SMPD1: variants seen among roughly 807,000 people sequenced by gnomAD.
SMPD1 encodes sphingomyelin phosphodiesterase.
SMPD1 carries 47 observed loss-of-function variants against 49.7 expected under a neutral mutation model. That is an observed-to-expected ratio of 0.95 (90% CI 0.75 to 1.21). SMPD1 has a LOEUF of 1.21. Ranked by LOEUF, SMPD1 falls within the 50% of genes most tolerant of loss-of-function variation. The pLI is 0.00. For synonymous variants in SMPD1, 336 were observed against 339.6 expected (o/e 0.99, Z 0.12); for missense variants, 811 against 822.2 (o/e 0.99, Z 0.17).
chr11:6,392,495 T>TC (rs1847977593), intron 2 of SMPD1, among the ~76,000 whole-genome samples: 1 of 109,118 alleles, frequency 9.2e-6, no homozygotes, highest in African/African-American at 4.1e-5. Flanking sequence ...CCTTTTTTTT[T>TC]TTTTTTTTTT....
In SMPD1 at chr11:6,390,829, G is replaced by A. The variant is rs1393029991; in HGVS notation, c.231G>A (p.Val77=). 6.2e-7 allele frequency: 1 copy of A among 1,614,128 alleles called. No homozygotes were observed. Among genetic ancestry groups the A allele is most frequent in the Non-Finnish European group, 8.5e-7 (1 of 1,180,006 alleles). The change falls in exon 1 of 6, where the codon GTG becomes GTA. Residue 77 remains valine (V), a synonymous_variant. Coordinates refer to ENST00000342245, the MANE Select transcript of SMPD1 (RefSeq NM_000543.5). ...QGHPARLHRI[V]PRLRDVFGWG... ...ATCCTGCCAGGTTACATCGCATAGT[G>A]CCCCGGCTCCGAGATGTCTTTGGGT...
chr11:6,391,633 C>G lies in SMPD1; in HGVS notation c.568C>G (p.Pro190Ala), dbSNP rs762912222. The change falls in exon 2 of 6, where the codon CCC becomes GCC. Residue 190 changes from proline to alanine, a missense_variant. By Grantham distance (27) the Pro-to-Ala change is conservative (BLOSUM62 -1). Transcript: ENST00000342245. ...TACTGTGCCGAAGCCGCCCCCCAAA[C>G]CCCCTAGCCCCCCAGCCCCAGGTGC... ...LPTVPKPPPK[P>A]PSPPAPGAPV... is the part of the protein sequence containing the mutation. The G allele has an allele frequency of 9.4e-7, 1 of 1,062,080 alleles. No individual in the cohort carries two copies. Among genetic ancestry groups the G allele is most frequent in the Admixed American group, 2.4e-5 (1 of 42,294 alleles). 65.8% of individuals were successfully genotyped at this position (1,062,080 alleles called of 1,614,324 possible).
chr11:6,394,132 A>G (rs763623516), intron 5 of SMPD1, 66 bp from the exon 6 acceptor site: 3 of 1,612,880 alleles, frequency 1.9e-6, no homozygotes, highest in African/African-American at 2.7e-5. Flanking sequence ...CATGGGCAGG[A>G]TGTGTGGCCC....
Position 6,392,011 on chromosome 11 carries a change from C to G in SMPD1, c.946C>G (p.Pro316Ala). The change falls in exon 2 of 6, where the codon CCT (proline) becomes GCT (alanine). Residue 316 changes from proline to alanine, a missense_variant. Coordinates refer to ENST00000342245, the MANE Select transcript of SMPD1 (RefSeq NM_000543.5). ...GTTCCTGGGGCCAGTGCCAGTGTAC[C>G]CTGCTGTGGGTAACCATGAAAGCAC... Reference protein sequence around the residue: ...RKFLGPVPVYPAVGNHESTPV... With the variant: ...RKFLGPVPVYAAVGNHESTPV... The G allele has an allele frequency of 2.5e-6, 4 of 1,614,216 alleles. No individual in the cohort carries two copies. Among genetic ancestry groups the G allele is most frequent in the Non-Finnish European group, 3.4e-6 (4 of 1,180,032 alleles).
At position 6,392,023 on chromosome 11, in the gene SMPD1, A is replaced by G. The variant is rs779927660; in HGVS notation, c.958A>G (p.Asn320Asp). ...AGTGCCAGTGTACCCTGCTGTGGGT[A>G]ACCATGAAAGCACACCTGTCAATAG... Reference protein sequence around the residue: ...GPVPVYPAVGNHESTPVNSFP... With the variant: ...GPVPVYPAVGDHESTPVNSFP... Residue 320 changes from asparagine to aspartate, a missense_variant, in exon 2 of 6, where the codon AAC becomes GAC. Transcript: ENST00000342245. 5.0e-6 allele frequency: 8 copies of G among 1,614,228 alleles called. No individual in the cohort carries two copies. The highest frequency in any genetic ancestry group is 4.4e-5 in the South Asian group (4 of 91,086).
At chr11:6,392,485 C>CTTTT (rs1484033993) in intron 2 of SMPD1, among the ~76,000 whole-genome samples, 2 of 102,530 alleles carry the variant, frequency 2.0e-5, no homozygotes, top group Non-Finnish European at 3.9e-5. Context: ...CCTGGCCCTC[C>CTTTT]CTTTTTTTTT....
Position 6,393,365 on chromosome 11 carries a change from C to T in SMPD1, c.1241C>T (p.Ala414Val). The T allele has an allele frequency of 6.2e-7, 1 of 1,613,652 alleles. No individual in the cohort carries two copies. Among genetic ancestry groups the T allele is most frequent in the Non-Finnish European group, 8.5e-7 (1 of 1,179,666 alleles). ...QLQWLVGELQ[A>V]AEDRGDKVHI... is the part of the protein sequence containing the mutation. The stretch of plus-strand genomic sequence containing the variant: ...CAGTGGCTGGTGGGGGAGCTTCAGG[C>T]TGCTGAGGATCGAGGAGACAAAGTG... The change falls in exon 3 of 6, where the codon GCT (alanine) becomes GTT (valine). Residue 414 changes from alanine (A) to valine (V), a missense_variant. Transcript: ENST00000342245.
chr11:6,393,507 G>C (rs1008246549), intron 3 of SMPD1, 110 bp from the exon 4 acceptor site: 148 of 1,396,028 alleles, frequency 1.1e-4, no homozygotes, highest in Non-Finnish European at 1.3e-4. Context: ...GTTCCCTGGG[G>C]ATTCAGCTCA....
chr11:6,393,248 C>T lies in SMPD1; in HGVS notation c.1124C>T (p.Pro375Leu), dbSNP rs1304337648. 3 of 1,613,966 alleles carry T rather than the reference C, an allele frequency of 1.9e-6. No individual in the cohort carries two copies. The Admixed American group carries it at 5.0e-5, about 27-fold the overall frequency. The change falls in exon 3 of 6, where the codon CCC becomes CTC. Residue 375 changes from proline to leucine, a missense_variant. By Grantham distance (98) the Pro-to-Leu change is moderately conservative. Coordinates refer to ENST00000342245, the MANE Select transcript of SMPD1 (RefSeq NM_000543.5). ...IGGFYALSPY[P>L]GLRLISLNMN... ...GGGTTCTATGCTCTTTCCCCATACC[C>T]CGGTCTCCGCCTCATCTCTCTCAAT...
At chr11:6,392,292 ACTC>A (rs1847961112) in intron 2 of SMPD1, 136 bp downstream of exon 2, 1 of 769,386 alleles carries the variant, frequency 1.3e-6, no homozygotes, top group Non-Finnish European at 2.1e-6. Context: ...CCCTAATCTG[ACTC>A]CTCCTTCCCT....
Position 6,392,117 on chromosome 11 carries a change from G to A in SMPD1, c.1052G>A (p.Trp351Ter). The A allele has an allele frequency of 6.2e-7, 1 of 1,614,122 alleles. No individual in the cohort carries two copies. ...RWLYEAMAKA[W>*]EPWLPAEALR... ...CTCTATGAAGCGATGGCCAAGGCTT[G>A]GGAGCCCTGGCTGCCTGCCGAAGCC... The change falls in exon 2 of 6, where the codon TGG becomes TAG. Residue 351 changes from tryptophan to a stop codon, truncating the protein, a stop_gained. Transcript: ENST00000342245. LOFTEE classifies it high-confidence loss of function.
Position 6,394,663 on chromosome 11 carries a change from C to A in SMPD1, c.*56C>A. ...TGATGTAGGAAAGGGTGAAAAAGCCCAAATGCTGCTGTGGTTCAACCAGGC... is the reference window on the plus strand; with the variant it reads ...TGATGTAGGAAAGGGTGAAAAAGCCAAAATGCTGCTGTGGTTCAACCAGGC... On this transcript the variant is annotated 3_prime_UTR_variant, in exon 6 of 6. Coordinates refer to ENST00000342245, the MANE Select transcript of SMPD1 (RefSeq NM_000543.5). 1.4e-6 allele frequency: 2 copies of A among 1,444,056 alleles called. No homozygotes were observed. The highest frequency in any genetic ancestry group is 1.1e-5 in the South Asian group (1 of 86,972). The allele number at this position is 1,444,056 out of a possible 1,614,324, so 89.5% of individuals were successfully genotyped here.
Position 6,390,826 on chromosome 11 carries a change from A to G in SMPD1, c.228A>G (p.Ile76Met). 1 of 1,614,028 alleles carries G rather than the reference A, an allele frequency of 6.2e-7. No homozygotes were observed. The highest frequency in any genetic ancestry group is 8.5e-7 in the Non-Finnish European group (1 of 1,179,998). ...GCCATCCTGCCAGGTTACATCGCAT[A>G]GTGCCCCGGCTCCGAGATGTCTTTG... ...PQGHPARLHR[I>M]VPRLRDVFGW... Residue 76 changes from isoleucine (I) to methionine (M), a missense_variant, in exon 1 of 6, where the codon ATA (isoleucine) becomes ATG (methionine). Ile to Met is a conservative substitution (Grantham distance 10). Transcript: ENST00000342245.
rs1683830794 is a variant in SMPD1 at position 6,393,085 on chromosome 11, C to T, written c.1092-131C>T. On this transcript the variant is annotated intron_variant, in intron 2 of 5. Transcript: ENST00000342245. Reference sequence around the variant, plus strand: ...GACCCAATAATTAGAACTGTTTGGTCTCTGGCTAGACTGTGAGCTCCTTGC... The same window carrying T: ...GACCCAATAATTAGAACTGTTTGGTTTCTGGCTAGACTGTGAGCTCCTTGC... 3 of 731,288 alleles carry T rather than the reference C, an allele frequency of 4.1e-6. 1 individual carries two copies. In the South Asian group the frequency reaches 5.4e-5, roughly 13 times the overall value. 45.3% of individuals were successfully genotyped at this position (731,288 alleles called of 1,614,324 possible).
rs1249315685 is a variant in SMPD1, at chr11:6,390,738, T to A, written c.140T>A (p.Leu47Gln). The A allele has an allele frequency of 6.2e-7, 1 of 1,612,694 alleles. No individual in the cohort carries two copies. Among genetic ancestry groups the A allele is most frequent in the Non-Finnish European group, 8.5e-7 (1 of 1,179,750 alleles). ...LALALALALA[L>Q]ALSDSRVLWA... is the part of the protein sequence containing the mutation. ...CTGGCGCTGGCGCTGGCGCTGGCGCTGGCTCTGTCTGACTCTCGGGTTCTC... is the reference window on the plus strand; with the variant it reads ...CTGGCGCTGGCGCTGGCGCTGGCGCAGGCTCTGTCTGACTCTCGGGTTCTC... Residue 47 changes from leucine (L) to glutamine (Q), a missense_variant, in exon 1 of 6, where the codon CTG becomes CAG. Physicochemically the swap from Leu to Gln is moderately radical, Grantham distance 113 (BLOSUM62 -2). Coordinates refer to ENST00000342245, the MANE Select transcript of SMPD1 (RefSeq NM_000543.5).
rs1299607371 is a variant in SMPD1, at chr11:6,391,693, C to G, written c.628C>G (p.His210Asp). Residue 210 changes from histidine (H) to aspartate (D), a missense_variant, in exon 2 of 6, where the codon CAC becomes GAC. Coordinates refer to ENST00000342245, the MANE Select transcript of SMPD1 (RefSeq NM_000543.5). ...VSRILFLTDL[H>D]WDHDYLEGTD... ...CCGCATCCTCTTCCTCACTGACCTG[C>G]ACTGGGATCATGACTACCTGGAGGG... 1 of 1,609,504 alleles carries G rather than the reference C, an allele frequency of 6.2e-7. No homozygotes were observed. Among genetic ancestry groups the G allele is most frequent in the Non-Finnish European group, 8.5e-7 (1 of 1,179,304 alleles).
chr11:6,390,896 G>T lies in SMPD1; in HGVS notation c.298G>T (p.Ala100Ser). 2 of 1,614,174 alleles carry T rather than the reference G, an allele frequency of 1.2e-6. No homozygotes were observed. The highest frequency in any genetic ancestry group is 1.3e-5 in the African/African-American group (1 of 75,048). ...TCPICKGLFT[A>S]INLGLKKEPN... is the part of the protein sequence containing the mutation. ...CCCAATCTGCAAAGGTCTATTCACC[G>T]CCATCAACCTCGGGCTGAAGGTGAG... The change falls in exon 1 of 6, where the codon GCC (alanine) becomes TCC (serine). Residue 100 changes from alanine to serine, a missense_variant. Physicochemically the swap from Ala to Ser is moderately conservative, Grantham distance 99. Coordinates refer to ENST00000342245, the MANE Select transcript of SMPD1 (RefSeq NM_000543.5).
Position 6,393,647 on chromosome 11 carries a change from C to T in SMPD1, c.1294C>T (p.His432Tyr), listed in dbSNP as rs757848411. 1.2e-6 allele frequency: 2 copies of T among 1,613,952 alleles called. No homozygotes were observed. Among genetic ancestry groups the T allele is most frequent in the East Asian group, 2.2e-5 (1 of 44,870 alleles). The change falls in exon 4 of 6, where the codon CAC becomes TAC. Residue 432 changes from histidine to tyrosine, a missense_variant. Coordinates refer to ENST00000342245, the MANE Select transcript of SMPD1 (RefSeq NM_000543.5). ...TATAATTGGCCACATTCCCCCAGGGCACTGTCTGAAGAGCTGGAGCTGGAA... is the reference window on the plus strand; with the variant it reads ...TATAATTGGCCACATTCCCCCAGGGTACTGTCTGAAGAGCTGGAGCTGGAA... Reference protein sequence around the residue: ...VHIIGHIPPGHCLKSWSWNYY... With the variant: ...VHIIGHIPPGYCLKSWSWNYY...
At chr11:6,394,140 C>T (rs764851690) in intron 5 of SMPD1, 58 bp from the exon 6 acceptor site, 3 of 1,613,002 alleles carry the variant, frequency 1.9e-6, no homozygotes, top group Admixed American at 3.3e-5. Flanking sequence ...GGATGTGTGG[C>T]CCCTCCCTGG....
Sources: gnomAD v4.1 joint callset for allele counts (sites outside exome capture counted in the v4.1 genomes callset) on GRCh38, gnomAD v4.1.1 for gene constraint, MANE v1.5 for transcripts, NCBI Gene and HGNC (gene_info 2026-07-23, HGNC 2026-07-21) for gene names.